The following PCDH15 variants were observed in gnomAD, a reference collection of about 807,000 sequenced individuals.
The protein encoded by PCDH15 is protocadherin related 15.
In PCDH15, 129 loss-of-function variants were observed where a neutral mutation model predicts 178.5. The observed-to-expected ratio is 0.72, with a 90% CI of 0.63 to 0.84. The LOEUF (loss-of-function observed/expected upper bound fraction) is 0.84. PCDH15 is among the 40% of genes least tolerant of loss of function. The probability of loss-of-function intolerance (pLI) is 0.00; values close to 1 mark genes in which losing one functional copy is unlikely to be tolerated. For missense variants in PCDH15, 2,230 were observed against 2,099.9 expected (o/e 1.06, Z -1.21); for synonymous variants, 800 against 732.0 (o/e 1.09, Z -1.50).
At chr10:54,364,209 G>GAA (rs34783984) in intron 5 of PCDH15, among the ~76,000 whole-genome samples, 9 of 140,658 alleles carry the variant, frequency 6.4e-5, no homozygotes, top group African/African-American at 1.5e-4. Flanking sequence ...GCAAAACTCT[G>GAA]AAAAAAAAAA....
chr10:54,574,399 A>C (rs1200347643), intron 2 of PCDH15, among the ~76,000 whole-genome samples: 1 of 151,722 alleles, frequency 6.6e-6, no homozygotes, highest in Non-Finnish European at 1.5e-5. Context: ...CTGTTTTGGT[A>C]CCGGTACCAT....
At chr10:54,589,517 ATTAAC>A (rs1029314207) in intron 2 of PCDH15, among the ~76,000 whole-genome samples, 1 of 152,066 alleles carries the variant, frequency 6.6e-6, no homozygotes, top group African/African-American at 2.4e-5. Flanking sequence ...CTCTTTGTTT[ATTAAC>A]TTATTTGTTA....
intron 3 of PCDH15, among the ~76,000 whole-genome samples, chr10:54,870,879 G>A (rs1258221925): frequency 2.0e-5 from 3 of 152,090 alleles, no homozygotes; most frequent in East Asian, 1.9e-4. Flanking sequence ...CACTCAACTA[G>A]GATGTAAGGA....
At position 54,583,721 on chromosome 10, in the gene PCDH15, C is replaced by G. The variant is rs532760426; in HGVS notation, c.92-55844G>C. 7.2e-5 allele frequency among the ~76,000 whole-genome samples: 11 copies of G among 152,160 alleles called. No individual in the cohort carries two copies. The East Asian group carries it at 1.9e-3, about 27-fold the overall frequency. On this transcript the variant is annotated intron_variant, in intron 2 of 37. Coordinates refer to ENST00000644397, the MANE Select transcript of PCDH15 (RefSeq NM_001384140.1). ...TCAATTATAAACCTCATTTACAAGT[C>G]TTAATAGAAAAGGAATTGATTTTTT...
At chr10:54,686,976 A>G (rs2095023800) in intron 1 of PCDH15, among the ~76,000 whole-genome samples, 1 of 152,198 alleles carries the variant, frequency 6.6e-6, no homozygotes, top group South Asian at 2.1e-4. Flanking sequence ...AGACTTGGAA[A>G]GACAATTTTC....
intron 27 of PCDH15, among the ~76,000 whole-genome samples, chr10:53,857,826 T>C (rs367996344): frequency 6.6e-6 from 1 of 152,056 alleles, no homozygotes; most frequent in Non-Finnish European, 1.5e-5. Context: ...TTGATAACTA[T>C]GTATCATTCA....
At chr10:54,569,224 A>T (rs9633608) in intron 2 of PCDH15, among the ~76,000 whole-genome samples, 142,449 of 152,102 alleles carry the variant, frequency 0.94, 66,975 homozygotes, top group Middle Eastern at 0.98. Flanking sequence ...AAGTATATAT[A>T]TGAAAACAGA....
At chr10:54,673,956 T>C (rs1366665940) in intron 1 of PCDH15, among the ~76,000 whole-genome samples, 1 of 152,180 alleles carries the variant, frequency 6.6e-6, no homozygotes, top group Non-Finnish European at 1.5e-5. Context: ...TTAAGTAGAA[T>C]GAATAAAACT....
chr10:55,428,007 T>A (rs959224162), intron 2 of PCDH15, among the ~76,000 whole-genome samples: 4 of 152,060 alleles, frequency 2.6e-5, no homozygotes, highest in Non-Finnish European at 2.9e-5. Context: ...ACAGAGAGAC[T>A]ACATACTTCA....
chr10:54,341,121 G>C (rs142076407), intron 6 of PCDH15, among the ~76,000 whole-genome samples: 2 of 152,042 alleles, frequency 1.3e-5, no homozygotes, highest in Admixed American at 1.3e-4. Context: ...ATCACCTGAC[G>C]ATCAGCTGAC....
chr10:54,061,958 C>T (rs2094023769), intron 18 of PCDH15, among the ~76,000 whole-genome samples: 4 of 152,036 alleles, frequency 2.6e-5, no homozygotes, highest in Admixed American at 2.6e-4. Context: ...GGTGTGGTGG[C>T]TCAGGCCTGT....
At chr10:54,091,670 G>A (rs1007188034) in intron 15 of PCDH15, among the ~76,000 whole-genome samples, 3 of 152,160 alleles carry the variant, frequency 2.0e-5, no homozygotes, top group African/African-American at 4.8e-5. Flanking sequence ...ATCTTTGCAA[G>A]ATTATTTAAT....
At chr10:55,412,243 A>C (rs1244864631) in intron 2 of PCDH15, among the ~76,000 whole-genome samples, 1 of 152,018 alleles carries the variant, frequency 6.6e-6, no homozygotes, top group Non-Finnish European at 1.5e-5. Flanking sequence ...TTTGAGATGC[A>C]GTTGACTAGT....
intron 2 of PCDH15, among the ~76,000 whole-genome samples, chr10:55,359,009 T>C (rs1018480119): frequency 1.3e-5 from 2 of 151,958 alleles, no homozygotes; most frequent in Non-Finnish European, 2.9e-5. Flanking sequence ...CTGAGCAACA[T>C]AGTGAGACTC....
chr10:54,166,328 T>C (rs1002604749), intron 13 of PCDH15, among the ~76,000 whole-genome samples: 1 of 152,218 alleles, frequency 6.6e-6, no homozygotes, highest in African/African-American at 2.4e-5. Context: ...TCTTGCAAAA[T>C]ATAGTCAACT....
At chr10:54,715,439 A>G (rs1393564696) in intron 1 of PCDH15, among the ~76,000 whole-genome samples, 3 of 152,096 alleles carry the variant, frequency 2.0e-5, no homozygotes, top group Admixed American at 6.6e-5. Flanking sequence ...AAATAGCAAA[A>G]CAGTGCATAA....
intron 2 of PCDH15, among the ~76,000 whole-genome samples, chr10:54,996,749 A>G (rs1839653977): frequency 6.6e-6 from 1 of 152,152 alleles, no homozygotes; most frequent in African/African-American, 2.4e-5. Flanking sequence ...AGGTTAGTAC[A>G]TGATGTTCTT....
chr10:54,352,476 T>A (rs1402170684), intron 5 of PCDH15, among the ~76,000 whole-genome samples: 1 of 152,170 alleles, frequency 6.6e-6, no homozygotes, highest in Non-Finnish European at 1.5e-5. Context: ...AAGTTTTTTG[T>A]TTTCTCCTAC....
intron 2 of PCDH15, among the ~76,000 whole-genome samples, chr10:55,379,105 T>C (rs564495062): frequency 1.3e-5 from 2 of 151,406 alleles, no homozygotes; most frequent in East Asian, 1.9e-4. Flanking sequence ...GGCACATACA[T>C]TGATATATAT....
Sources: gnomAD v4.1 joint callset for allele counts (sites outside exome capture counted in the v4.1 genomes callset) on GRCh38, gnomAD v4.1.1 for gene constraint, MANE v1.5 for transcripts, NCBI Gene and HGNC (gene_info 2026-07-23, HGNC 2026-07-21) for gene names.